Variants in PKD2L1 observed in about 807,000 individuals in gnomAD.
The protein encoded by PKD2L1 is polycystin 2 like 1, transient receptor potential cation channel, also known as polycystin-2-like protein 1.
In PKD2L1, 77 loss-of-function variants were observed where a neutral mutation model predicts 93.0. The observed-to-expected ratio is 0.83, with a 90% CI of 0.69 to 1.00. PKD2L1 has a LOEUF of 1.00. PKD2L1 is among the 50% of genes least tolerant of loss of function. The probability of loss-of-function intolerance (pLI) is 0.00; values close to 1 mark genes in which losing one functional copy is unlikely to be tolerated. For missense variants in PKD2L1, 977 were observed against 990.9 expected (o/e 0.99, Z 0.19); for synonymous variants, 390 against 388.0 (o/e 1.01, Z -0.06).
chr10:100,297,564 G>A lies in PKD2L1; in HGVS notation c.774C>T (p.His258=), dbSNP rs771227955. ...CGCTGTAGCTTGTGAGCCTGCCCCA[G>A]TGGGAGAAGCCCCCCAACTCATCCT... The part of the protein sequence containing the change: ...HSQDELGGFS[H]WGRLTSYSGG... Residue 258 remains histidine, a synonymous_variant, in exon 5 of 16, where the codon CAC becomes CAT. Transcript: ENST00000318222. The A allele has an allele frequency of 6.2e-7, 1 of 1,614,072 alleles. No homozygotes were observed. Among genetic ancestry groups the A allele is most frequent in the Non-Finnish European group, 8.5e-7 (1 of 1,180,018 alleles).
At chr10:100,328,161 GAAGT>G (rs1202280581) in intron 2 of PKD2L1, among the ~76,000 whole-genome samples, 2 of 152,194 alleles carry the variant, frequency 1.3e-5, no homozygotes, top group Non-Finnish European at 2.9e-5. Flanking sequence ...ACTTTTGAAA[GAAGT>G]AATAAACCAA....
intron 2 of PKD2L1, among the ~76,000 whole-genome samples, chr10:100,316,836 C>T (rs1343990310): frequency 1.3e-5 from 2 of 152,218 alleles, no homozygotes; most frequent in Admixed American, 1.3e-4. Flanking sequence ...CCTGTAATCT[C>T]AGCACTTTGG....
chr10:100,290,105 G>A lies in PKD2L1; in HGVS notation c.2160C>T (p.Val720=). 1 of 1,613,990 alleles carries A rather than the reference G, an allele frequency of 6.2e-7. No individual in the cohort carries two copies. The highest frequency in any genetic ancestry group is 1.3e-5 in the African/African-American group (1 of 75,016). The stretch of plus-strand genomic sequence containing the variant: ...CAATCTGGGACACTACTCCTTCCAG[G>A]ACAGTCTCCAGCTGCAGAACTCTCC... ...LTRRVLQLET[V]LEGVVSQIDA... is the part of the protein sequence containing the mutation. Residue 720 remains valine, a synonymous_variant, in exon 14 of 16, where the codon GTC becomes GTT. Coordinates refer to ENST00000318222, the MANE Select transcript of PKD2L1 (RefSeq NM_016112.3).
chr10:100,288,470 AG>A lies in PKD2L1; in HGVS notation c.2343del (p.Tyr782IlefsTer8). On this transcript the variant is annotated frameshift_variant, in exon 16 of 16. Coordinates refer to ENST00000318222, the MANE Select transcript of PKD2L1 (RefSeq NM_016112.3). LOFTEE classifies it low-confidence loss of function (END_TRUNC). ...TCTAAGGCTTCCTCTTCTCTTTTAT[AG>A]GGAACCTCTGTGGGGGAAAACGAGA... is the stretch of plus-strand genomic sequence containing the variant. ...GVQGGQESEV[P>X]YKREEEALEE... The A allele has an allele frequency of 6.2e-7, 1 of 1,606,600 alleles. No individual in the cohort carries two copies. Among genetic ancestry groups the A allele is most frequent in the Non-Finnish European group, 8.5e-7 (1 of 1,173,152 alleles).
In PKD2L1 at chr10:100,289,567, AAAAAT is replaced by A. The variant is rs1368608060; in HGVS notation, c.2250+443_2250+447del. ...ATAATAATAATAATAAATAAAATAA[AAAAAT>A]AAAATAAAGGAGACTTCCCTTACCC... On this transcript the variant is annotated intron_variant, in intron 14 of 15. Coordinates refer to ENST00000318222, the MANE Select transcript of PKD2L1 (RefSeq NM_016112.3). 3.9e-5 allele frequency among the ~76,000 whole-genome samples: 6 copies of A among 152,028 alleles called. No homozygotes were observed. In the South Asian group the frequency reaches 1.2e-3, roughly 32 times the overall value.
chr10:100,298,590 G>C lies in PKD2L1; in HGVS notation c.703C>G (p.Leu235Val), dbSNP rs751594225. The C allele has an allele frequency of 3.1e-6, 5 of 1,614,002 alleles. No homozygotes were observed. Among genetic ancestry groups the C allele is most frequent in the African/African-American group, 1.3e-5 (1 of 74,890 alleles). The change falls in exon 4 of 16, where the codon CTC (leucine) becomes GTC (valine). Residue 235 changes from leucine to valine, a missense_variant. By Grantham distance (32) the Leu-to-Val change is conservative. Transcript: ENST00000318222. ...GTGCCATTGAAGGGCCCAAAGGGGA[G>C]TTGTTCTTCTTTGTCTGGAGAGTAG... is the stretch of plus-strand genomic sequence containing the variant. ...DVYSPDKEEQLPFGPFNGTAW... is the reference protein window; with the variant it reads ...DVYSPDKEEQVPFGPFNGTAW...
intron 2 of PKD2L1, among the ~76,000 whole-genome samples, chr10:100,308,774 C>T (rs556041177): frequency 1.3e-4 from 20 of 152,222 alleles, no homozygotes; most frequent in Non-Finnish European, 2.8e-4. Flanking sequence ...CATGCTATCA[C>T]CCTAACACCC....
Position 100,312,869 on chromosome 10 carries a change from C to T in PKD2L1, c.350-13151G>A, listed in dbSNP as rs186652722. On this transcript the variant is annotated intron_variant, in intron 2 of 15. Transcript: ENST00000318222. ...TCTCTAGAGTCATCCTGGAAAAATA[C>T]GGCCCCCTAGATAGCATTGCTTCTG... Among the ~76,000 whole-genome samples, 65 of 151,578 alleles carry T rather than the reference C, an allele frequency of 4.3e-4. 2 individuals are homozygous for T. In the East Asian group the frequency reaches 0.012, roughly 27 times the overall value.
At chr10:100,299,528 C>T in intron 3 of PKD2L1, 63 bp downstream of exon 3, 2 of 1,485,866 alleles carry the variant, frequency 1.3e-6, no homozygotes, top group Non-Finnish European at 9.4e-7. Context: ...GATCCGTTGT[C>T]TGACCTGTGG....
chr10:100,294,631 G>A lies in PKD2L1; in HGVS notation c.1563C>T (p.Leu521=), dbSNP rs753613040. 75 of 1,613,952 alleles carry A rather than the reference G, an allele frequency of 4.6e-5. No homozygotes were observed. Among genetic ancestry groups the A allele is most frequent in the Non-Finnish European group, 5.8e-5 (69 of 1,180,004 alleles). ...KCIFTQFRII[L]GDFDYNAIDN... ...CGATAGCATTGTAGTCAAAGTCCCCGAGGATTATCCGGAACTGAGTGAAAC... is the reference window on the plus strand; with the variant it reads ...CGATAGCATTGTAGTCAAAGTCCCCAAGGATTATCCGGAACTGAGTGAAAC... The change falls in exon 9 of 16, where the codon CTC becomes CTT. Residue 521 remains leucine, a synonymous_variant. Coordinates refer to ENST00000318222, the MANE Select transcript of PKD2L1 (RefSeq NM_016112.3).
At position 100,329,855 on chromosome 10, in the gene PKD2L1, C is replaced by A; in HGVS notation, c.235+14G>T. 1 of 1,533,766 alleles carries A rather than the reference C, an allele frequency of 6.5e-7. No individual in the cohort carries two copies. ...ATTCTAATATCCCAGGAGAACTGTCCCCCTATCTGGTACCTCTGATGCCTT... is the reference window on the plus strand; with the variant it reads ...ATTCTAATATCCCAGGAGAACTGTCACCCTATCTGGTACCTCTGATGCCTT... On this transcript the variant is annotated intron_variant, in intron 1 of 15. Coordinates refer to ENST00000318222, the MANE Select transcript of PKD2L1 (RefSeq NM_016112.3).
rs148872061 is a variant in PKD2L1 at position 100,318,891 on chromosome 10, G to A, written c.349+10320C>T. On this transcript the variant is annotated intron_variant, in intron 2 of 15. Transcript: ENST00000318222. ...AGATGGAATCTCACTCTGTCGCCCA[G>A]GCTGAGTACAGTGGCGTGATCTCGG... is the stretch of plus-strand genomic sequence containing the variant. Among the ~76,000 whole-genome samples, 832 of 148,756 alleles carry A rather than the reference G, an allele frequency of 5.6e-3. 10 individuals are homozygous for A. The highest frequency in any genetic ancestry group is 0.02 in the African/African-American group (788 of 40,326).
intron 2 of PKD2L1, among the ~76,000 whole-genome samples, chr10:100,324,253 G>A (rs547461489): frequency 1.3e-5 from 2 of 152,302 alleles, no homozygotes; most frequent in African/African-American, 4.8e-5. Context: ...CAACACCAGG[G>A]TGGTACCTTT....
At chr10:100,301,150 G>T (rs1848665514) in intron 2 of PKD2L1, among the ~76,000 whole-genome samples, 1 of 152,208 alleles carries the variant, frequency 6.6e-6, no homozygotes, top group African/African-American at 2.4e-5. Flanking sequence ...CGAATAGGGT[G>T]TGGGTCACAG....
rs757039546 is a variant in PKD2L1 at position 100,293,375 on chromosome 10, A to G, written c.1664T>C (p.Met555Thr). 6.2e-7 allele frequency: 1 copy of G among 1,609,004 alleles called. No homozygotes were observed. Among genetic ancestry groups the G allele is most frequent in the East Asian group, 2.2e-5 (1 of 44,856 alleles). Reference sequence around the variant, plus strand: ...TGTGTCATTGATGATGGCCAGGAACATGTTCTGGAAAATGAAGTGGGGACC... The same window carrying G: ...TGTGTCATTGATGATGGCCAGGAACGTGTTCTGGAAAATGAAGTGGGGACC... ...VFFVFFVLLN[M>T]FLAIINDTYS... is the part of the protein sequence containing the mutation. The change falls in exon 10 of 16, where the codon ATG becomes ACG. Residue 555 changes from methionine (M) to threonine (T), a missense_variant. Coordinates refer to ENST00000318222, the MANE Select transcript of PKD2L1 (RefSeq NM_016112.3).
chr10:100,320,755 G>A (rs1455981176), intron 2 of PKD2L1, among the ~76,000 whole-genome samples: 1 of 152,170 alleles, frequency 6.6e-6, no homozygotes, highest in Non-Finnish European at 1.5e-5. Flanking sequence ...TTATGAATGA[G>A]AACATCCAAT....
chr10:100,303,210 T>TTTA (rs1848724764), intron 2 of PKD2L1, among the ~76,000 whole-genome samples: 1 of 150,632 alleles, frequency 6.6e-6, no homozygotes, highest in African/African-American at 2.4e-5. Context: ...TTTTTTTTTT[T>TTTA]GAGACGGAGT....
At chr10:100,329,167 A>G in intron 2 of PKD2L1, 44 bp downstream of exon 2, 1 of 1,592,874 alleles carries the variant, frequency 6.3e-7, no homozygotes, top group Non-Finnish European at 8.6e-7. Context: ...GCACACATAG[A>G]TGTTTCTCAC....
intron 2 of PKD2L1, among the ~76,000 whole-genome samples, chr10:100,323,032 T>C (rs753573227): frequency 8.5e-5 from 13 of 152,180 alleles, no homozygotes; most frequent in African/African-American, 1.9e-4. Context: ...GCTAGGTGCA[T>C]TGAAAAATTA....
Sources: allele counts gnomAD v4.1 joint callset (sites outside exome capture counted in the v4.1 genomes callset), GRCh38; gene constraint gnomAD v4.1.1; transcripts MANE v1.5; gene names NCBI Gene and HGNC (gene_info 2026-07-23, HGNC 2026-07-21).